The following CERS6 variants were observed in gnomAD, a reference collection of about 807,000 sequenced individuals.
CERS6 encodes the protein LAG1 homolog, ceramide synthase 6.
A neutral mutation model predicts 56.8 loss-of-function variants in CERS6; 26 were observed. That is an observed-to-expected ratio of 0.46 (90% confidence interval 0.34 to 0.63). The LOEUF (loss-of-function observed/expected upper bound fraction) is 0.63, where lower values mean the gene tolerates loss of function less well. Ranked by LOEUF, CERS6 falls within the 30% of genes least tolerant of loss-of-function variation. The probability of loss-of-function intolerance (pLI) is 0.01; values close to 1 mark genes in which losing one functional copy is unlikely to be tolerated. For synonymous variants in CERS6, 164 were observed against 173.3 expected (o/e 0.95, Z 0.42); for missense variants, 415 against 467.5 (o/e 0.89, Z 1.04).
chr2:168,517,509 A>AT (rs1558980712), intron 1 of CERS6, among the ~76,000 whole-genome samples: 55 of 150,682 alleles, frequency 3.7e-4, no homozygotes, highest in East Asian at 2.6e-3. Flanking sequence ...AAATAAATAA[A>AT]TAAATAAATA....
In CERS6 at chr2:168,671,510, C is replaced by T. The variant is rs540368098; in HGVS notation, c.466-19524C>T. Reference sequence around the variant, plus strand: ...CCTGTTTAGACTAACTGTAATTTTCCTCTTCTTGGGTGTCCTCTTAGTTTT... The same window carrying T: ...CCTGTTTAGACTAACTGTAATTTTCTTCTTCTTGGGTGTCCTCTTAGTTTT... On this transcript the variant is annotated intron_variant, in intron 4 of 9. Coordinates refer to ENST00000305747, the MANE Select transcript of CERS6 (RefSeq NM_203463.3). Among the ~76,000 whole-genome samples, 80 of 152,166 alleles carry T rather than the reference C, an allele frequency of 5.3e-4. No individual in the cohort carries two copies. In the South Asian group the frequency reaches 5.6e-3, roughly 11 times the overall value.
intron 4 of CERS6, among the ~76,000 whole-genome samples, chr2:168,642,394 G>T (rs558892707): frequency 2.4e-4 from 37 of 152,298 alleles, no homozygotes; most frequent in African/African-American, 8.4e-4. Flanking sequence ...TAGTTGGTTA[G>T]TTGGGAATTT....
intron 1 of CERS6, among the ~76,000 whole-genome samples, chr2:168,469,817 G>A (rs1363782085): frequency 1.3e-5 from 2 of 152,140 alleles, no homozygotes; most frequent in Non-Finnish European, 2.9e-5. Context: ...TCATGGCACA[G>A]GTGACCAGAA....
At chr2:168,623,346 G>T (rs1684518259) in intron 3 of CERS6, among the ~76,000 whole-genome samples, 1 of 152,072 alleles carries the variant, frequency 6.6e-6, no homozygotes, top group South Asian at 2.1e-4. Context: ...GCACAGTAAG[G>T]TGACCCAGGT....
In CERS6 at chr2:168,516,902, A is replaced by T. The variant is rs145351465; in HGVS notation, c.171-30694A>T. Among the ~76,000 whole-genome samples the T allele has an allele frequency of 7.6e-4, 115 of 152,180 alleles. 1 individual carries two copies. In the East Asian group the frequency reaches 0.018, roughly 24 times the overall value. On this transcript the variant is annotated intron_variant, in intron 1 of 9. Coordinates refer to ENST00000305747, the MANE Select transcript of CERS6 (RefSeq NM_203463.3). Reference sequence around the variant, plus strand: ...GAATTCTGGCATCTTTTAGTTTTGCACTCTTGATCACAAGTCTGTCCAAAT... The same window carrying T: ...GAATTCTGGCATCTTTTAGTTTTGCTCTCTTGATCACAAGTCTGTCCAAAT...
chr2:168,600,278 C>T (rs1574091807), intron 3 of CERS6, among the ~76,000 whole-genome samples: 1 of 150,976 alleles, frequency 6.6e-6, no homozygotes, highest in Admixed American at 6.6e-5. Flanking sequence ...GATCTTGGCT[C>T]ACTGCAAGCT....
chr2:168,691,472 A>G (rs1686501253), intron 5 of CERS6, among the ~76,000 whole-genome samples: 1 of 152,206 alleles, frequency 6.6e-6, no homozygotes, highest in Non-Finnish European at 1.5e-5. Flanking sequence ...GTGAGGCTAG[A>G]GCAGGTACAC....
intron 3 of CERS6, among the ~76,000 whole-genome samples, chr2:168,595,556 C>G (rs1187294764): frequency 6.6e-6 from 1 of 152,104 alleles, no homozygotes; most frequent in Non-Finnish European, 1.5e-5. Context: ...ATGTATAATA[C>G]CAATTTTAAT....
At chr2:168,480,467 G>C (rs893307815) in intron 1 of CERS6, among the ~76,000 whole-genome samples, 2 of 152,126 alleles carry the variant, frequency 1.3e-5, no homozygotes, top group African/African-American at 2.4e-5. Flanking sequence ...CTTAATGTTA[G>C]AGATGAAAAA....
At chr2:168,735,898 AG>A (rs1199448060) in intron 8 of CERS6, among the ~76,000 whole-genome samples, 62 of 108,430 alleles carry the variant, frequency 5.7e-4, no homozygotes, top group Middle Eastern at 4.7e-3. Flanking sequence ...AAAAAAAAAA[AG>A]AAAGAAAGAA....
intron 2 of CERS6, among the ~76,000 whole-genome samples, chr2:168,552,725 A>T (rs76566605): frequency 6.6e-6 from 1 of 152,090 alleles, no homozygotes. Context: ...TGTTTTCAGG[A>T]GTCCATCTCC....
At chr2:168,698,235 GGAAAAAAAAAAAAAAAAAA>G (rs1267915565) in intron 6 of CERS6, among the ~76,000 whole-genome samples, 3 of 25,432 alleles carry the variant, frequency 1.2e-4, no homozygotes, top group East Asian at 2.3e-3. Flanking sequence ...TTGTCTCACA[GGAAAAAAAAAAAAAAAAAA>G]GAAAAAAAAA....
chr2:168,466,833 A>G (rs2105321358), intron 1 of CERS6, among the ~76,000 whole-genome samples: 3 of 152,324 alleles, frequency 2.0e-5, no homozygotes, highest in Admixed American at 2.0e-4. Context: ...GGTTAGAGAT[A>G]CACAAATGGT....
intron 3 of CERS6, among the ~76,000 whole-genome samples, chr2:168,616,014 C>G (rs1431280409): frequency 6.6e-6 from 1 of 152,198 alleles, no homozygotes; most frequent in East Asian, 1.9e-4. Flanking sequence ...AGATTTACGG[C>G]AGATTTCTCA....
chr2:168,546,833 T>C (rs971083906), intron 1 of CERS6, among the ~76,000 whole-genome samples: 5 of 152,216 alleles, frequency 3.3e-5, no homozygotes, highest in African/African-American at 1.2e-4. Flanking sequence ...TTATTAGCAA[T>C]GTCCCCACAC....
intron 1 of CERS6, among the ~76,000 whole-genome samples, chr2:168,539,293 G>A (rs988423066): frequency 2.6e-5 from 4 of 152,148 alleles, no homozygotes; most frequent in Non-Finnish European, 5.9e-5. Context: ...AATAGATTAT[G>A]TTATGATTGA....
At chr2:168,642,997 G>A (rs574581172) in intron 4 of CERS6, among the ~76,000 whole-genome samples, 2 of 152,338 alleles carry the variant, frequency 1.3e-5, no homozygotes, top group African/African-American at 4.8e-5. Flanking sequence ...ATGATGTTCA[G>A]TATTGGCGGA....
intron 1 of CERS6, among the ~76,000 whole-genome samples, chr2:168,491,408 G>A (rs569622901): frequency 6.6e-6 from 1 of 152,076 alleles, no homozygotes; most frequent in Admixed American, 6.5e-5. Flanking sequence ...TTTATATTTA[G>A]GAGTCAGCAA....
chr2:168,760,766 A>T lies in CERS6; in HGVS notation c.846-4826A>T, dbSNP rs10172878. 2.1e-3 allele frequency among the ~76,000 whole-genome samples: 268 copies of T among 127,220 alleles called. 1 individual carries two copies. Among genetic ancestry groups the T allele is most frequent in the African/African-American group, 4.2e-3 (165 of 38,960 alleles). 83.5% of individuals were successfully genotyped at this position (127,220 alleles called of 152,430 possible). On this transcript the variant is annotated intron_variant, in intron 8 of 9. Transcript: ENST00000305747. ...TATTTATTTATTTATTTATTTATTT[A>T]TTTTTTTGAGACGGAGTCTTGCTCT...
Sources: allele counts gnomAD v4.1 joint callset (sites outside exome capture counted in the v4.1 genomes callset), GRCh38; gene constraint gnomAD v4.1.1; transcripts MANE v1.5; gene names NCBI Gene and HGNC (gene_info 2026-07-23, HGNC 2026-07-21).